RIC8B: variants seen among roughly 807,000 people sequenced by gnomAD.
RIC8B encodes the protein chaperone Ric-8B.
In RIC8B, 16 loss-of-function variants were observed where a neutral mutation model predicts 57.5. The observed-to-expected ratio is 0.28, with a 90% CI of 0.19 to 0.42. RIC8B has a LOEUF of 0.42. Ranked by LOEUF, RIC8B falls within the 10% of genes least tolerant of loss-of-function variation. The probability of loss-of-function intolerance (pLI) is 1.00; values close to 1 mark genes in which losing one functional copy is unlikely to be tolerated. For synonymous variants in RIC8B, 216 were observed against 250.8 expected (o/e 0.86, Z 1.31); for missense variants, 481 against 677.0 (o/e 0.71, Z 3.21).
At chr12:106,846,266 A>G (rs1949183479) in intron 6 of RIC8B, among the ~76,000 whole-genome samples, 1 of 151,994 alleles carries the variant, frequency 6.6e-6, no homozygotes, top group African/African-American at 2.4e-5. Context: ...CCTCCAACCT[A>G]TTTCTTCCCC....
chr12:106,843,577 C>CCTGGGACTA (rs1949048940), intron 5 of RIC8B, among the ~76,000 whole-genome samples: 1 of 151,602 alleles, frequency 6.6e-6, no homozygotes, highest in Non-Finnish European at 1.5e-5. Context: ...AAAAAATTAG[C>CCTGGGACTA]CAGGTGTGGT....
At chr12:106,829,076 A>G (rs2136346471) in intron 4 of RIC8B, among the ~76,000 whole-genome samples, 1 of 152,344 alleles carries the variant, frequency 6.6e-6, no homozygotes, top group African/African-American at 2.4e-5. Context: ...TTAGCTCGTA[A>G]AGACAGCAGA....
chr12:106,851,314 CCT>C, intron 6 of RIC8B, 134 bp from the exon 7 acceptor site: 1 of 556,898 alleles, frequency 1.8e-6, no homozygotes, highest in Non-Finnish European at 2.9e-6. Context: ...TGGAAGCTAA[CCT>C]TTTTTTTTTT....
intron 2 of RIC8B, among the ~76,000 whole-genome samples, chr12:106,802,649 A>G (rs2044787711): frequency 6.8e-6 from 1 of 147,432 alleles, no homozygotes; most frequent in South Asian, 2.1e-4. Flanking sequence ...GGCCTGGTTT[A>G]GCCCAGAATT....
intron 1 of RIC8B, among the ~76,000 whole-genome samples, chr12:106,781,035 A>G (rs1174690048): frequency 6.6e-6 from 1 of 152,234 alleles, no homozygotes; most frequent in African/African-American, 2.4e-5. Context: ...TTCATGGAGT[A>G]TGAAACCTGT....
At chr12:106,819,353 G>A (rs1047749510) in intron 3 of RIC8B, among the ~76,000 whole-genome samples, 1 of 152,060 alleles carries the variant, frequency 6.6e-6, no homozygotes, top group Non-Finnish European at 1.5e-5. Flanking sequence ...GATTTAACTT[G>A]GGGGATAAAA....
At chr12:106,851,670 C>T in intron 7 of RIC8B, 76 bp downstream of exon 7, 2 of 1,226,882 alleles carry the variant, frequency 1.6e-6, no homozygotes, top group Non-Finnish European at 2.3e-6. Context: ...AGTGTTAGTA[C>T]TGGTCGTCTC....
At chr12:106,878,670 G>A (rs34748) in intron 9 of RIC8B, among the ~76,000 whole-genome samples, 30,908 of 152,022 alleles carry the variant, frequency 0.2, 3,511 homozygotes, top group African/African-American at 0.3. Context: ...CTGTGCTTAA[G>A]AAATGGTTCC....
chr12:106,848,949 G>A (rs2136453940), intron 6 of RIC8B, among the ~76,000 whole-genome samples: 1 of 152,272 alleles, frequency 6.6e-6, no homozygotes, highest in South Asian at 2.1e-4. Flanking sequence ...ATAGAATGAT[G>A]GTTACCAGAG....
At chr12:106,808,665 C>A (rs1394076875) in intron 2 of RIC8B, among the ~76,000 whole-genome samples, 1 of 152,176 alleles carries the variant, frequency 6.6e-6, no homozygotes, top group Non-Finnish European at 1.5e-5. Context: ...TCAACATGAT[C>A]TAGCAACAAG....
intron 4 of RIC8B, among the ~76,000 whole-genome samples, chr12:106,838,729 C>A (rs1404174684): frequency 6.6e-6 from 1 of 151,638 alleles, no homozygotes; most frequent in East Asian, 1.9e-4. Flanking sequence ...AAACAGTCAA[C>A]AAAATGAAAA....
chr12:106,856,379 A>G (rs1012150062), intron 7 of RIC8B, among the ~76,000 whole-genome samples: 1 of 152,166 alleles, frequency 6.6e-6, no homozygotes, highest in Non-Finnish European at 1.5e-5. Flanking sequence ...TGTGTAGTGT[A>G]TTTTAAATCT....
intron 8 of RIC8B, among the ~76,000 whole-genome samples, chr12:106,865,440 T>A (rs1490810352): frequency 1.3e-5 from 2 of 152,192 alleles, no homozygotes; most frequent in Non-Finnish European, 2.9e-5. Context: ...TTATTTTTCT[T>A]TGATATAACC....
intron 3 of RIC8B, 122 bp downstream of exon 3, chr12:106,815,426 A>T (rs959060839): frequency 5.1e-6 from 5 of 988,132 alleles, no homozygotes; most frequent in Non-Finnish European, 7.5e-6. Flanking sequence ...TCTCCCATTA[A>T]GCAATTGTAT....
intron 2 of RIC8B, among the ~76,000 whole-genome samples, chr12:106,807,821 C>T (rs926869130): frequency 3.9e-5 from 6 of 152,178 alleles, no homozygotes; most frequent in African/African-American, 1.4e-4. Flanking sequence ...CACTGTAGCT[C>T]ATGCCTGTAA....
chr12:106,831,600 AC>A, intron 4 of RIC8B, among the ~76,000 whole-genome samples: 1 of 152,232 alleles, frequency 6.6e-6, no homozygotes, highest in African/African-American at 2.4e-5. Flanking sequence ...GCCTTCAAAT[AC>A]ATCTTAGCAT....
intron 1 of RIC8B, among the ~76,000 whole-genome samples, chr12:106,777,890 C>A (rs902106560): frequency 9.2e-5 from 14 of 152,168 alleles, no homozygotes; most frequent in Non-Finnish European, 1.5e-5. Flanking sequence ...AGAGGTGTGG[C>A]CGGAGCACAG....
In RIC8B at chr12:106,810,302, A is replaced by AG. The variant is rs537958471; in HGVS notation, c.133-4394_133-4393insG. Among the ~76,000 whole-genome samples the AG allele has an allele frequency of 1.6e-3, 244 of 151,196 alleles. 2 individuals are homozygous for AG. The highest frequency in any genetic ancestry group is 5.8e-3 in the African/African-American group (242 of 41,418). Reference sequence around the variant, plus strand: ...ATCATACAGCTGGTAAAAAAAAAAAAAAAGAAAGAAAAGAAAGTCACACAG... The same window carrying AG: ...ATCATACAGCTGGTAAAAAAAAAAAAGAAAGAAAGAAAAGAAAGTCACACAG... On this transcript the variant is annotated intron_variant, in intron 2 of 9. Transcript: ENST00000392837.
chr12:106,805,645 C>T (rs2136245243), intron 2 of RIC8B, among the ~76,000 whole-genome samples: 2 of 152,304 alleles, frequency 1.3e-5, no homozygotes, highest in Non-Finnish European at 2.9e-5. Flanking sequence ...TGTTCATTTT[C>T]CACATTAACA....
Sources: allele counts gnomAD v4.1 joint callset (sites outside exome capture counted in the v4.1 genomes callset), GRCh38; gene constraint gnomAD v4.1.1; transcripts MANE v1.5; gene names NCBI Gene and HGNC (gene_info 2026-07-23, HGNC 2026-07-21).